Variants in GLCE observed in about 807,000 individuals in gnomAD.
GLCE encodes the protein D-glucuronyl C5-epimerase.
GLCE carries 19 observed loss-of-function variants against 47.9 expected under a neutral mutation model. The ratio of observed to expected loss-of-function variants is 0.40; its 90% CI spans 0.28 to 0.58. The LOEUF (loss-of-function observed/expected upper bound fraction) is 0.58, where lower values mean the gene tolerates loss of function less well. GLCE is among the 20% of genes least tolerant of loss of function. The probability of loss-of-function intolerance (pLI) is 0.48; values close to 1 mark genes in which losing one functional copy is unlikely to be tolerated. For missense variants in GLCE, 556 were observed against 743.3 expected (o/e 0.75, Z 2.93); for synonymous variants, 245 against 263.4 (o/e 0.93, Z 0.68).
intron 1 of GLCE, among the ~76,000 whole-genome samples, chr15:69,166,100 C>T (rs2140323374): frequency 6.6e-6 from 1 of 152,278 alleles, no homozygotes; most frequent in East Asian, 1.9e-4. Flanking sequence ...TCTTGGACAT[C>T]ATTATTTGGT....
At chr15:69,182,640 A>G (rs181961387) in intron 1 of GLCE, among the ~76,000 whole-genome samples, 1 of 152,302 alleles carries the variant, frequency 6.6e-6, no homozygotes, top group African/African-American at 2.4e-5. Flanking sequence ...TTAGTGGACT[A>G]CAGGTCTGTT....
In GLCE at chr15:69,272,142, ATTGT is replaced by A. The variant is rs1314620755; in HGVS notation, c.*2903_*2906del. 2 of 152,612 alleles carry A rather than the reference ATTGT, an allele frequency of 1.3e-5. No homozygotes were observed. Among genetic ancestry groups the A allele is most frequent in the Non-Finnish European group, 2.9e-5 (2 of 68,020 alleles). The allele number at this position is 152,612 out of a possible 1,614,324, so 9.5% of individuals were successfully genotyped here. A position where few individuals can be genotyped will look rare whatever the true frequency, so the allele number is the denominator to read the frequency against. ...TTTTGTTTCTATACAAAGTAAATGG[ATTGT>A]TTGTGCTTAATGTAAAGCCGCTTTA... On this transcript the variant is annotated 3_prime_UTR_variant, in exon 5 of 5. Coordinates refer to ENST00000261858, the MANE Select transcript of GLCE (RefSeq NM_015554.3).
chr15:69,181,744 T>A (rs2051751455), intron 1 of GLCE, among the ~76,000 whole-genome samples: 1 of 152,108 alleles, frequency 6.6e-6, no homozygotes, highest in South Asian at 2.1e-4. Flanking sequence ...GGAATTTTGC[T>A]GAAGAGGGAG....
chr15:69,213,332 A>T (rs1215445871), intron 2 of GLCE, among the ~76,000 whole-genome samples: 1 of 152,032 alleles, frequency 6.6e-6, no homozygotes, highest in African/African-American at 2.4e-5. Flanking sequence ...GTTTTTCCTT[A>T]GTCTCCTCCA....
intron 1 of GLCE, among the ~76,000 whole-genome samples, chr15:69,185,859 A>G (rs999731511): frequency 6.6e-6 from 1 of 152,064 alleles, no homozygotes; most frequent in African/African-American, 2.4e-5. Flanking sequence ...TCCTTCAGAC[A>G]CCAGTTGCAA....
intron 2 of GLCE, among the ~76,000 whole-genome samples, chr15:69,229,941 G>A (rs903381173): frequency 6.6e-6 from 1 of 152,064 alleles, no homozygotes; most frequent in African/African-American, 2.4e-5. Flanking sequence ...TGGGTGCGGT[G>A]GCTCATGTAT....
rs140416826 is a variant in GLCE at position 69,251,597 on chromosome 15, G to A, written c.-13-4197G>A. 2.2e-3 allele frequency among the ~76,000 whole-genome samples: 330 copies of A among 152,116 alleles called. 1 individual carries two copies. The highest frequency in any genetic ancestry group is 5.8e-3 in the African/African-American group (240 of 41,506). ...GAGTATTTTATTTACTAGGGTTTTT[G>A]ATTTGTTCTGAAATATGGCTGCTCC... On this transcript the variant is annotated intron_variant, in intron 2 of 4. Transcript: ENST00000261858.
intron 2 of GLCE, among the ~76,000 whole-genome samples, chr15:69,226,701 T>A (rs1454883208): frequency 6.6e-6 from 1 of 151,218 alleles, no homozygotes; most frequent in African/African-American, 2.4e-5. Context: ...ATAGATTTCA[T>A]ATCTTCAGCC....
chr15:69,163,473 C>T (rs1319709365), intron 1 of GLCE, among the ~76,000 whole-genome samples: 1 of 152,060 alleles, frequency 6.6e-6, no homozygotes, highest in Non-Finnish European at 1.5e-5. Flanking sequence ...AATGATGATA[C>T]GATTGATGTG....
intron 2 of GLCE, among the ~76,000 whole-genome samples, chr15:69,215,467 A>T (rs1285932879): frequency 6.6e-6 from 1 of 151,728 alleles, no homozygotes; most frequent in Non-Finnish European, 1.5e-5. Flanking sequence ...TTATTCATTT[A>T]TCTGTTGTGG....
intron 2 of GLCE, among the ~76,000 whole-genome samples, chr15:69,224,557 C>T (rs2052419767): frequency 6.6e-6 from 1 of 152,170 alleles, no homozygotes; most frequent in Non-Finnish European, 1.5e-5. Context: ...CAATGGCTGG[C>T]AGCCTCTTTG....
chr15:69,218,493 T>G (rs975004978), intron 2 of GLCE, among the ~76,000 whole-genome samples: 2 of 151,940 alleles, frequency 1.3e-5, no homozygotes, highest in Non-Finnish European at 2.9e-5. Context: ...AGACCCAGTC[T>G]CAAAAAAGAA....
chr15:69,224,752 A>G (rs2052422566), intron 2 of GLCE, among the ~76,000 whole-genome samples: 1 of 152,188 alleles, frequency 6.6e-6, no homozygotes, highest in South Asian at 2.1e-4. Context: ...CAGTGTTAAG[A>G]GCTGAAAATG....
At chr15:69,236,303 T>C (rs2052593788) in intron 2 of GLCE, among the ~76,000 whole-genome samples, 2 of 152,232 alleles carry the variant, frequency 1.3e-5, no homozygotes, top group African/African-American at 4.8e-5. Context: ...CATATGGCCT[T>C]CTAACGAGTT....
At chr15:69,238,831 A>G (rs1200127169) in intron 2 of GLCE, among the ~76,000 whole-genome samples, 1 of 152,246 alleles carries the variant, frequency 6.6e-6, no homozygotes, top group Non-Finnish European at 1.5e-5. Context: ...GAATGCCTGA[A>G]TAGGCATTGA....
At chr15:69,213,332 A>G (rs1215445871) in intron 2 of GLCE, among the ~76,000 whole-genome samples, 2 of 152,032 alleles carry the variant, frequency 1.3e-5, no homozygotes, top group African/African-American at 4.8e-5. Context: ...GTTTTTCCTT[A>G]GTCTCCTCCA....
chr15:69,200,660 G>T (rs1357490713), intron 1 of GLCE, among the ~76,000 whole-genome samples: 1 of 152,126 alleles, frequency 6.6e-6, no homozygotes, highest in African/African-American at 2.4e-5. Context: ...TATTGAACCA[G>T]TATCAGGGTG....
At chr15:69,202,082 G>A (rs1369271351) in intron 1 of GLCE, among the ~76,000 whole-genome samples, 2 of 151,832 alleles carry the variant, frequency 1.3e-5, no homozygotes, top group Non-Finnish European at 2.9e-5. Flanking sequence ...ACCACATCTG[G>A]CTATTTTTTA....
At chr15:69,176,606 C>CT (rs2051669615) in intron 1 of GLCE, among the ~76,000 whole-genome samples, 1 of 152,004 alleles carries the variant, frequency 6.6e-6, no homozygotes, top group Non-Finnish European at 1.5e-5. Context: ...TTTTGTATAA[C>CT]TTTAAGTACA....
Sources: gnomAD v4.1 joint callset for allele counts (sites outside exome capture counted in the v4.1 genomes callset) on GRCh38, gnomAD v4.1.1 for gene constraint, MANE v1.5 for transcripts, NCBI Gene and HGNC (gene_info 2026-07-23, HGNC 2026-07-21) for gene names.